Variants in PARP8 observed in about 807,000 individuals in gnomAD.
The protein encoded by PARP8 is poly(ADP-ribose) polymerase family member 8.
In PARP8, 51 loss-of-function variants were observed where a neutral mutation model predicts 124.1. The ratio of observed to expected loss-of-function variants is 0.41; its 90% CI spans 0.33 to 0.52. The LOEUF is 0.52. PARP8 is among the 20% of genes least tolerant of loss of function. The pLI is 0.21. For missense variants in PARP8, 860 were observed against 1,018.9 expected, an observed-to-expected ratio of 0.84 and a Z score of 2.12; for synonymous variants, 391 against 361.5, an observed-to-expected ratio of 1.08 and a Z score of -0.93.
intron 14 of PARP8, among the ~76,000 whole-genome samples, chr5:50,801,220 C>T (rs1161501615): frequency 6.6e-6 from 1 of 152,142 alleles, no homozygotes; most frequent in Non-Finnish European, 1.5e-5. Context: ...CCTGCCTCAG[C>T]CTCCGAGTAG....
At chr5:50,754,150 T>TATATACAC (rs1312947286) in intron 3 of PARP8, among the ~76,000 whole-genome samples, 26 of 37,152 alleles carry the variant, frequency 7.0e-4, no homozygotes, top group African/African-American at 2.6e-3. Flanking sequence ...TATATATATA[T>TATATACAC]ACACACACAC....
At chr5:50,827,534 T>A (rs1159650683) in intron 19 of PARP8, among the ~76,000 whole-genome samples, 4 of 152,160 alleles carry the variant, frequency 2.6e-5, no homozygotes, top group Admixed American at 2.6e-4. Context: ...TTATAAACTT[T>A]TCTTTTCTGC....
rs1044877302 is a variant in PARP8, at chr5:50,756,021, G to A, written c.185-3622G>A. Among the ~76,000 whole-genome samples the A allele has an allele frequency of 1.9e-4, 29 of 152,118 alleles. No individual in the cohort carries two copies. In the South Asian group the frequency reaches 4.0e-3, roughly 21 times the overall value. ...GTATAAGAATGCTTGTGATTTTTGT[G>A]CATTGATTTTGTATCCTGAGACTTT... On this transcript the variant is annotated intron_variant, in intron 3 of 25. Transcript: ENST00000281631.
chr5:50,674,155 A>T (rs1750353729), intron 2 of PARP8, among the ~76,000 whole-genome samples: 1 of 152,206 alleles, frequency 6.6e-6, no homozygotes, highest in South Asian at 2.1e-4. Context: ...GTTCCAATTT[A>T]TCCTACTTGA....
chr5:50,758,261 T>C (rs760298678), intron 3 of PARP8, among the ~76,000 whole-genome samples: 11 of 152,156 alleles, frequency 7.2e-5, no homozygotes, highest in Non-Finnish European at 1.3e-4. Context: ...CATGAAAATA[T>C]TGGAAAACTA....
intron 2 of PARP8, among the ~76,000 whole-genome samples, chr5:50,705,140 A>G (rs950317574): frequency 2.0e-4 from 31 of 152,198 alleles, no homozygotes; most frequent in African/African-American, 7.5e-4. Flanking sequence ...AAAATAGTTT[A>G]CTGTTTAAAA....
At chr5:50,761,588 G>A (rs900230776) in intron 5 of PARP8, among the ~76,000 whole-genome samples, 3 of 151,944 alleles carry the variant, frequency 2.0e-5, no homozygotes, top group South Asian at 2.1e-4. Context: ...ATTGAATTGT[G>A]CATTTCCTGT....
chr5:50,804,475 C>T (rs781126700), intron 14 of PARP8, among the ~76,000 whole-genome samples: 9 of 152,144 alleles, frequency 5.9e-5, no homozygotes, highest in Non-Finnish European at 8.8e-5. Flanking sequence ...GTAGCACTTG[C>T]GGCTACAGTG....
chr5:50,677,314 C>CAAA (rs35154231), intron 2 of PARP8, among the ~76,000 whole-genome samples: 1 of 128,964 alleles, frequency 7.8e-6, no homozygotes, highest in African/African-American at 2.9e-5. Flanking sequence ...AGATATGCAG[C>CAAA]AAAAAAAAAA....
chr5:50,750,481 T>C (rs1179956889), intron 3 of PARP8, among the ~76,000 whole-genome samples: 1 of 152,132 alleles, frequency 6.6e-6, no homozygotes, highest in East Asian at 1.9e-4. Flanking sequence ...ATGGTCTAAT[T>C]GTTAGTTTTG....
At chr5:50,746,159 C>T (rs1758520360) in intron 2 of PARP8, among the ~76,000 whole-genome samples, 1 of 152,080 alleles carries the variant, frequency 6.6e-6, no homozygotes, top group South Asian at 2.1e-4. Flanking sequence ...TACTAATCTG[C>T]CTGGAAATAC....
intron 12 of PARP8, among the ~76,000 whole-genome samples, chr5:50,796,233 A>G (rs1742536316): frequency 6.6e-6 from 1 of 152,174 alleles, no homozygotes; most frequent in Non-Finnish European, 1.5e-5. Flanking sequence ...CTAACCATTA[A>G]TGTGTAAACA....
At chr5:50,797,591 C>G (rs1407585677) in intron 14 of PARP8, among the ~76,000 whole-genome samples, 2 of 152,108 alleles carry the variant, frequency 1.3e-5, no homozygotes, top group African/African-American at 4.8e-5. Flanking sequence ...CAAAACTCCA[C>G]AATTTAAGAT....
intron 11 of PARP8, among the ~76,000 whole-genome samples, 173 bp from the exon 12 acceptor site, chr5:50,794,680 A>G (rs910385632): frequency 6.6e-6 from 1 of 152,200 alleles, no homozygotes; most frequent in African/African-American, 2.4e-5. Context: ...ATGGGATTCA[A>G]GTCCTGTGAT....
chr5:50,698,249 A>G (rs926054847), intron 2 of PARP8, among the ~76,000 whole-genome samples: 11 of 152,362 alleles, frequency 7.2e-5, no homozygotes, highest in African/African-American at 2.6e-4. Flanking sequence ...CAAAACATGT[A>G]TAATATTTTC....
chr5:50,816,210 A>G lies in PARP8; in HGVS notation c.1668+686A>G, dbSNP rs78353945. 5.5e-3 allele frequency among the ~76,000 whole-genome samples: 840 copies of G among 152,292 alleles called. 5 individuals are homozygous for G. The highest frequency in any genetic ancestry group is 0.019 in the African/African-American group (786 of 41,562). The stretch of plus-strand genomic sequence containing the variant: ...GATTATCCCCCAAATGGATCAAATT[A>G]TGAATAAATTTAATGTATGTTAAAG... On this transcript the variant is annotated intron_variant, in intron 15 of 25. Transcript: ENST00000281631.
At chr5:50,727,255 G>A (rs1756519302) in intron 2 of PARP8, among the ~76,000 whole-genome samples, 1 of 151,968 alleles carries the variant, frequency 6.6e-6, no homozygotes, top group South Asian at 2.1e-4. Flanking sequence ...AGAACTGCAG[G>A]CACATTTAGA....
intron 2 of PARP8, among the ~76,000 whole-genome samples, chr5:50,704,522 C>G (rs1325355992): frequency 6.6e-6 from 1 of 152,166 alleles, no homozygotes; most frequent in African/African-American, 2.4e-5. Context: ...TTTCTTTACT[C>G]TACCCTCCCC....
intron 2 of PARP8, chr5:50,744,781 G>A: frequency 2.9e-6 from 2 of 700,956 alleles, no homozygotes; most frequent in Non-Finnish European, 5.2e-6. Context: ...AGATGAGTAT[G>A]ACTTTTAAAA....
Sources: allele counts gnomAD v4.1 joint callset (sites outside exome capture counted in the v4.1 genomes callset), GRCh38; gene constraint gnomAD v4.1.1; transcripts MANE v1.5; gene names NCBI Gene and HGNC (gene_info 2026-07-23, HGNC 2026-07-21).